The following ZNF501 variants were observed in gnomAD, a reference collection of about 807,000 sequenced individuals.
The protein encoded by ZNF501 is zinc finger protein 52.
In ZNF501, 7 loss-of-function variants were observed where a neutral mutation model predicts 5.7. The ratio of observed to expected loss-of-function variants is 1.24; its 90% CI spans 0.70 to 2.32. The LOEUF (loss-of-function observed/expected upper bound fraction) is 2.32, where lower values mean the gene tolerates loss of function less well. Ranked by LOEUF, ZNF501 falls within the 30% of genes most tolerant of loss-of-function variation. The pLI, the probability that ZNF501 is intolerant of heterozygous loss-of-function variation, is 0.00. For missense variants in ZNF501, 352 were observed against 321.1 expected, an observed-to-expected ratio of 1.10 and a Z score of -0.73; for synonymous variants, 107 against 101.9, an observed-to-expected ratio of 1.05 and a Z score of -0.30.
At chr3:44,731,614 T>G (rs1704617725) in intron 2 of ZNF501, 54 bp downstream of exon 2, 1 of 152,180 alleles carries the variant, frequency 6.6e-6, no homozygotes, top group Admixed American at 6.5e-5. Context: ...GAGACTACCA[T>G]CAGAAGTGAT....
rs1388741323 is a variant in ZNF501, at chr3:44,735,471, T to C, written c.*234T>C. On this transcript the variant is annotated 3_prime_UTR_variant, in exon 3 of 3. Coordinates refer to ENST00000620116, the MANE Select transcript of ZNF501 (RefSeq NM_001258280.2). ...TTCCCCATTCCCCCCAATAGAAAAA[T>C]GGGGATATTTCCTAGGGTTGTCCTG... The C allele has an allele frequency of 2.6e-6, 1 of 378,702 alleles. No individual in the cohort carries two copies. Among genetic ancestry groups the C allele is most frequent in the African/African-American group, 2.1e-5 (1 of 48,642 alleles). The allele number at this position is 378,702 out of a possible 1,614,324, so 23.5% of individuals were successfully genotyped here. A position where few individuals can be genotyped will look rare whatever the true frequency, so the allele number is the denominator to read the frequency against.
At position 44,734,752 on chromosome 3, in the gene ZNF501, T is replaced by C. The variant is rs764721445; in HGVS notation, c.331T>C (p.Cys111Arg). The C allele has an allele frequency of 1.2e-6, 2 of 1,614,032 alleles. No individual in the cohort carries two copies. Among genetic ancestry groups the C allele is most frequent in the Admixed American group, 1.7e-5 (1 of 60,024 alleles). Residue 111 changes from cysteine (C) to arginine (R), a missense_variant, in exon 3 of 3, where the codon TGT becomes CGT. Cys to Arg is a radical substitution (Grantham distance 180). Transcript: ENST00000620116. ...AGAGAAACCCTATAAATGCAATGAATGTGGAAAAGCCTTTTGTCAGAGCCC... is the reference window on the plus strand; with the variant it reads ...AGAGAAACCCTATAAATGCAATGAACGTGGAAAAGCCTTTTGTCAGAGCCC... ...TGEKPYKCNE[C>R]GKAFCQSPSL... is the part of the protein sequence containing the mutation.
At chr3:44,730,153 ATTC>A (rs1704588109) in intron 1 of ZNF501, 138 bp downstream of exon 1, 1 of 152,246 alleles carries the variant, frequency 6.6e-6, no homozygotes, top group South Asian at 2.1e-4. Context: ...ACCAGCTGGC[ATTC>A]TTCTAAGTAG....
At chr3:44,732,409 T>C (rs1042300725) in intron 2 of ZNF501, 1 of 152,276 alleles carries the variant, frequency 6.6e-6, no homozygotes, top group African/African-American at 2.4e-5. Context: ...GTTTTGGTTT[T>C]ACATCTGGTT....
At chr3:44,732,934 C>T (rs1704635756) in intron 2 of ZNF501, among the ~76,000 whole-genome samples, 1 of 152,062 alleles carries the variant, frequency 6.6e-6, no homozygotes, top group South Asian at 2.1e-4. Context: ...AGTGATTTTC[C>T]CACCTCAGCC....
rs1704711668 is a variant in ZNF501, at chr3:44,736,969, T to C, written c.*1732T>C. On this transcript the variant is annotated 3_prime_UTR_variant, in exon 3 of 3. Coordinates refer to ENST00000620116, the MANE Select transcript of ZNF501 (RefSeq NM_001258280.2). Reference sequence around the variant, plus strand: ...TTCCTTCTCTTTACTTTTTTTTTCTTTTTTCTTTTTTTAAAGAAATGGTAG... The same window carrying C: ...TTCCTTCTCTTTACTTTTTTTTTCTCTTTTCTTTTTTTAAAGAAATGGTAG... 1 of 167,040 alleles carries C rather than the reference T, an allele frequency of 6.0e-6. No homozygotes were observed. 10.3% of individuals were successfully genotyped at this position (167,040 alleles called of 1,614,324 possible). A position where few individuals can be genotyped will look rare whatever the true frequency, so the allele number is the denominator to read the frequency against.
chr3:44,734,915 A>C lies in ZNF501; in HGVS notation c.494A>C (p.Asn165Thr), dbSNP rs1216383460. Residue 165 changes from asparagine (N) to threonine (T), a missense_variant, in exon 3 of 3, where the codon AAT becomes ACT. Physicochemically the swap from Asn to Thr is moderately conservative, Grantham distance 65 (BLOSUM62 0). Coordinates refer to ENST00000620116, the MANE Select transcript of ZNF501 (RefSeq NM_001258280.2). ...SHSGDKPFKCNECGKAFNQSA... is the reference protein window; with the variant it reads ...SHSGDKPFKCTECGKAFNQSA... ...TCTGGAGATAAACCTTTTAAGTGTAATGAATGTGGGAAAGCCTTTAATCAG... is the reference window on the plus strand; with the variant it reads ...TCTGGAGATAAACCTTTTAAGTGTACTGAATGTGGGAAAGCCTTTAATCAG... The C allele has an allele frequency of 6.2e-7, 1 of 1,613,938 alleles. No homozygotes were observed. Among genetic ancestry groups the C allele is most frequent in the East Asian group, 2.2e-5 (1 of 44,862 alleles).
intron 1 of ZNF501, among the ~76,000 whole-genome samples, 182 bp downstream of exon 1, chr3:44,730,197 G>A (rs1240807757): frequency 6.6e-6 from 1 of 152,076 alleles, no homozygotes; most frequent in Non-Finnish European, 1.5e-5. Context: ...TATTCATTAC[G>A]ACAACCCTAT....
At position 44,736,450 on chromosome 3, in the gene ZNF501, C is replaced by G. The variant is rs955901161; in HGVS notation, c.*1213C>G. On this transcript the variant is annotated 3_prime_UTR_variant, in exon 3 of 3. Transcript: ENST00000620116. ...GTAATGTCAGAATTGAATCTCAAAT[C>G]TATATCTTTATAGATTTGCAGTTCT... 1 of 167,028 alleles carries G rather than the reference C, an allele frequency of 6.0e-6. No homozygotes were observed. The highest frequency in any genetic ancestry group is 1.9e-4 in the East Asian group (1 of 5,186). The allele number at this position is 167,028 out of a possible 1,614,324, so 10.3% of individuals were successfully genotyped here.
In ZNF501 at chr3:44,734,967, A is replaced by G; in HGVS notation, c.546A>G (p.Arg182=). The G allele has an allele frequency of 6.2e-7, 1 of 1,614,080 alleles. No homozygotes were observed. The highest frequency in any genetic ancestry group is 1.7e-5 in the Admixed American group (1 of 60,014). The part of the protein sequence containing the change: ...NQSACLMQHQ[R]IHSGEKPYTC... The stretch of plus-strand genomic sequence containing the variant: ...GTGCATGTCTCATGCAGCATCAGAG[A>G]ATTCATTCAGGAGAGAAGCCCTACA... The change falls in exon 3 of 3, where the codon AGA becomes AGG. Residue 182 remains arginine (R), a synonymous_variant. Coordinates refer to ENST00000620116, the MANE Select transcript of ZNF501 (RefSeq NM_001258280.2).
rs1168750883 is a variant in ZNF501, at chr3:44,736,607, T to TC, written c.*1372dup. ...GTGTCGAACTCCTGACCTCAAGTGATCCGCCTGCCTCAGCCTCCCAAAGTG... is the reference window on the plus strand; with the variant it reads ...GTGTCGAACTCCTGACCTCAAGTGATCCCGCCTGCCTCAGCCTCCCAAAGTG... On this transcript the variant is annotated 3_prime_UTR_variant, in exon 3 of 3. Transcript: ENST00000620116. 9 of 167,072 alleles carry TC rather than the reference T, an allele frequency of 5.4e-5. No homozygotes were observed. Among genetic ancestry groups the TC allele is most frequent in the African/African-American group, 2.2e-4 (9 of 41,444 alleles). The allele number at this position is 167,072 out of a possible 1,614,324, so 10.3% of individuals were successfully genotyped here. A position where few individuals can be genotyped will look rare whatever the true frequency, so the allele number is the denominator to read the frequency against.
At position 44,734,487 on chromosome 3, in the gene ZNF501, A is replaced by C. The variant is rs1279904228; in HGVS notation, c.66A>C (p.Ser22=). Residue 22 remains serine, a synonymous_variant, in exon 3 of 3, where the codon TCA becomes TCC. Coordinates refer to ENST00000620116, the MANE Select transcript of ZNF501 (RefSeq NM_001258280.2). ...HGRVNMQKKP[S]KCSECGKFFT... ...GAGTTAACATGCAGAAGAAACCTTC[A>C]AAGTGTAGTGAATGTGGGAAGTTCT... 2 of 1,614,060 alleles carry C rather than the reference A, an allele frequency of 1.2e-6. No homozygotes were observed. Among genetic ancestry groups the C allele is most frequent in the African/African-American group, 2.7e-5 (2 of 74,936 alleles).
chr3:44,734,535 C>A lies in ZNF501; in HGVS notation c.114C>A (p.Thr38=), dbSNP rs1329304225. The change falls in exon 3 of 3, where the codon ACC becomes ACA. Residue 38 remains threonine, a synonymous_variant. Coordinates refer to ENST00000620116, the MANE Select transcript of ZNF501 (RefSeq NM_001258280.2). ...GKFFTQRSSL[T]QHQRIHRGEK... ...TCTTTACTCAGAGATCATCTCTTAC[C>A]CAGCACCAGAGGATTCACAGAGGAG... 1 of 1,614,034 alleles carries A rather than the reference C, an allele frequency of 6.2e-7. No homozygotes were observed. Among genetic ancestry groups the A allele is most frequent in the East Asian group, 2.2e-5 (1 of 44,868 alleles).
Position 44,734,431 on chromosome 3 carries a change from A to G in ZNF501, c.10A>G (p.Ser4Gly), listed in dbSNP as rs769492734. Reference protein sequence around the residue: MNSSQISLRMKHGR... With the variant: MNSGQISLRMKHGR... The stretch of plus-strand genomic sequence containing the variant: ...TGGTGTTACAAGCAGCATGAATTCC[A>G]GCCAAATATCACTCAGAATGAAACA... The change falls in exon 3 of 3, where the codon AGC becomes GGC. Residue 4 changes from serine (S) to glycine (G), a missense_variant. Transcript: ENST00000620116. 6.2e-7 allele frequency: 1 copy of G among 1,610,660 alleles called. No individual in the cohort carries two copies. Among genetic ancestry groups the G allele is most frequent in the Non-Finnish European group, 8.5e-7 (1 of 1,177,676 alleles).
At chr3:44,734,026 A>C (rs951666979) in intron 2 of ZNF501, among the ~76,000 whole-genome samples, 171 bp from the exon 3 acceptor site, 21 of 152,232 alleles carry the variant, frequency 1.4e-4, no homozygotes, top group African/African-American at 4.1e-4. Flanking sequence ...TATATGCCCA[A>C]GTCTAGGATA....
chr3:44,734,744 G>A lies in ZNF501; in HGVS notation c.323G>A (p.Cys108Tyr). The change falls in exon 3 of 3, where the codon TGC (cysteine) becomes TAC (tyrosine). Residue 108 changes from cysteine (C) to tyrosine (Y), a missense_variant. Physicochemically the swap from Cys to Tyr is radical, Grantham distance 194. Coordinates refer to ENST00000620116, the MANE Select transcript of ZNF501 (RefSeq NM_001258280.2). The part of the protein sequence containing the change: ...RIHTGEKPYK[C>Y]NECGKAFCQS... ...CATACTGGAGAGAAACCCTATAAAT[G>A]CAATGAATGTGGAAAAGCCTTTTGT... The A allele has an allele frequency of 6.2e-7, 1 of 1,614,038 alleles. No individual in the cohort carries two copies. Among genetic ancestry groups the A allele is most frequent in the Non-Finnish European group, 8.5e-7 (1 of 1,180,000 alleles).
At position 44,729,985 on chromosome 3, in the gene ZNF501, C is replaced by T. The variant is rs1704584373; in HGVS notation, c.-341C>T. On this transcript the variant is annotated 5_prime_UTR_variant, in exon 1 of 3. Transcript: ENST00000620116. ...TCCAGAAGTAAATACTGTTTCCTGC[C>T]TTGCCGTTTCCCAAAGTTGTGCGGG... The T allele has an allele frequency of 6.6e-6, 1 of 152,236 alleles. No homozygotes were observed. The highest frequency in any genetic ancestry group is 2.4e-5 in the African/African-American group (1 of 41,458). 9.4% of individuals were successfully genotyped at this position (152,236 alleles called of 1,614,324 possible).
At chr3:44,730,825 C>A (rs1286824503) in intron 1 of ZNF501, among the ~76,000 whole-genome samples, 1 of 152,184 alleles carries the variant, frequency 6.6e-6, no homozygotes, top group East Asian at 1.9e-4. Context: ...TAACAAGACC[C>A]ATTCACCTCA....
In ZNF501 at chr3:44,735,193, A is replaced by G; in HGVS notation, c.772A>G (p.Ser258Gly). ...TGGATGTGGGAAATCCTTTAGGCAC[A>G]GTTCAGCACTTCTTCGACATCAGAG... Reference protein sequence around the residue: ...CVGCGKSFRHSSALLRHQRLH... With the variant: ...CVGCGKSFRHGSALLRHQRLH... Residue 258 changes from serine to glycine, a missense_variant, in exon 3 of 3, where the codon AGT (serine) becomes GGT (glycine). By Grantham distance (56) the Ser-to-Gly change is moderately conservative (BLOSUM62 0). Coordinates refer to ENST00000620116, the MANE Select transcript of ZNF501 (RefSeq NM_001258280.2). 1.9e-6 allele frequency: 3 copies of G among 1,594,852 alleles called. No individual in the cohort carries two copies. The highest frequency in any genetic ancestry group is 2.6e-6 in the Non-Finnish European group (3 of 1,168,514).
Sources: gnomAD v4.1 joint callset for allele counts (sites outside exome capture counted in the v4.1 genomes callset) on GRCh38, gnomAD v4.1.1 for gene constraint, MANE v1.5 for transcripts, NCBI Gene and HGNC (gene_info 2026-07-23, HGNC 2026-07-21) for gene names.